The following DYNC2H1 variants were observed in gnomAD, a reference collection of about 807,000 sequenced individuals.
DYNC2H1 encodes cytoplasmic dynein 2 heavy chain 1.
DYNC2H1 carries 410 observed loss-of-function variants against 570.0 expected under a neutral mutation model. The observed-to-expected ratio is 0.72, with a 90% CI of 0.66 to 0.78. The LOEUF (loss-of-function observed/expected upper bound fraction) is 0.78. DYNC2H1 is among the 30% of genes least tolerant of loss of function. The pLI is 0.00. For synonymous variants in DYNC2H1, 1,688 were observed against 1,677.6 expected (o/e 1.01, Z -0.15); for missense variants, 4,865 against 5,046.4 (o/e 0.96, Z 1.09).
chr11:103,468,440 C>A, intron 87 of DYNC2H1, 149 bp from the exon 88 acceptor site: 1 of 567,608 alleles, frequency 1.8e-6, no homozygotes, highest in East Asian at 2.9e-5. Flanking sequence ...GCCTTACTGA[C>A]TTTATTCTCA....
chr11:103,455,174 C>A lies in DYNC2H1; in HGVS notation c.12457-12C>A. ...TGTGTGTATTTATATGTTCATATTT[C>A]CCCCCCTCTAGAACTGGGTAGATAA... On this transcript the variant is annotated splice_polypyrimidine_tract_variant and intron_variant, in intron 85 of 88. Transcript: ENST00000375735. The A allele has an allele frequency of 1.3e-6, 2 of 1,584,172 alleles. No homozygotes were observed. The highest frequency in any genetic ancestry group is 2.2e-5 in the South Asian group (2 of 89,762).
rs182522562 is a variant in DYNC2H1 at position 103,143,443 on chromosome 11, A to G, written c.2702+48A>G. 3.7e-4 allele frequency: 570 copies of G among 1,523,806 alleles called. 4 individuals carry two copies. In the East Asian group the frequency reaches 0.012, roughly 32 times the overall value. The allele number at this position is 1,523,806 out of a possible 1,614,324, so 94.4% of individuals were successfully genotyped here. On this transcript the variant is annotated intron_variant, in intron 18 of 88. Coordinates refer to ENST00000375735, the MANE Select transcript of DYNC2H1 (RefSeq NM_001377.3). ...TTACGTACCATAATAATTTTTTGAC[A>G]TGGACAGTAAGGGAGCTCTCTACTT...
At chr11:103,171,300 G>A (rs1861558875) in intron 34 of DYNC2H1, among the ~76,000 whole-genome samples, 1 of 151,996 alleles carries the variant, frequency 6.6e-6, no homozygotes, top group Middle Eastern at 3.4e-3. Flanking sequence ...TTGTTGCCCA[G>A]GCTGGAGTGC....
intron 63 of DYNC2H1, among the ~76,000 whole-genome samples, chr11:103,238,582 T>TACACACAC (rs10571344): frequency 2.0e-5 from 3 of 150,038 alleles, no homozygotes; most frequent in Non-Finnish European, 4.5e-5. Flanking sequence ...CACACACACA[T>TACACACAC]ACACACACAC....
intron 88 of DYNC2H1, among the ~76,000 whole-genome samples, chr11:103,476,567 T>C (rs2135871406): frequency 6.6e-6 from 1 of 152,262 alleles, no homozygotes; most frequent in Admixed American, 6.5e-5. Context: ...TTAGAAAAAT[T>C]TAGGACAGAT....
chr11:103,278,331 G>C (rs59689789), intron 70 of DYNC2H1, among the ~76,000 whole-genome samples: 1 of 151,896 alleles, frequency 6.6e-6, no homozygotes, highest in Non-Finnish European at 1.5e-5. Flanking sequence ...AATGTTTATT[G>C]GGCTTTTAGA....
rs1232553987 is a variant in DYNC2H1, at chr11:103,186,417, G to A, written c.6809G>A (p.Arg2270Gln). 14 of 1,612,654 alleles carry A rather than the reference G, an allele frequency of 8.7e-6. No homozygotes were observed. Among genetic ancestry groups the A allele is most frequent in the Admixed American group, 1.7e-5 (1 of 59,840 alleles). The part of the protein sequence containing the change: ...LPVIQTPDMQ[R>Q]GLDYFKPWLS... ...GTCATTCAGACTCCTGACATGCAACGAGGTCTAGATTATTTCAAACCATGG... is the reference window on the plus strand; with the variant it reads ...GTCATTCAGACTCCTGACATGCAACAAGGTCTAGATTATTTCAAACCATGG... Residue 2270 changes from arginine to glutamine, a missense_variant, in exon 42 of 89, where the codon CGA (arginine) becomes CAA (glutamine). Coordinates refer to ENST00000375735, the MANE Select transcript of DYNC2H1 (RefSeq NM_001377.3). The surrounding 1 kb of genome is among the most constrained non-coding windows in gnomAD (Gnocchi z 4.5).
intron 85 of DYNC2H1, among the ~76,000 whole-genome samples, chr11:103,447,549 C>T (rs1015924769): frequency 6.6e-6 from 1 of 152,122 alleles, no homozygotes; most frequent in African/African-American, 2.4e-5. Context: ...AATTTACAGA[C>T]TTGGAAGAAG....
intron 84 of DYNC2H1, among the ~76,000 whole-genome samples, chr11:103,411,680 TCATA>T (rs921695790): frequency 1.8e-4 from 27 of 152,048 alleles, no homozygotes; most frequent in African/African-American, 6.5e-4. Context: ...TAGAAAGGGG[TCATA>T]CATTTTTAAT....
Position 103,252,387 on chromosome 11 carries a change from G to A in DYNC2H1, c.10043-898G>A, listed in dbSNP as rs750152234. Among the ~76,000 whole-genome samples, 14 of 151,996 alleles carry A rather than the reference G, an allele frequency of 9.2e-5. No homozygotes were observed. Among genetic ancestry groups the A allele is most frequent in the Non-Finnish European group, 1.6e-4 (11 of 67,996 alleles). On this transcript the variant is annotated intron_variant, in intron 65 of 88. Transcript: ENST00000375735. The surrounding 1 kb of genome is among the most constrained non-coding windows in gnomAD (Gnocchi z 4.6). ...CATATACCCAGAAAAAAGATTGCTG[G>A]GTCATATGGTAGTTCTGTTTTTAAT...
intron 77 of DYNC2H1, 43 bp from the exon 78 acceptor site, chr11:103,307,678 A>G (rs766472153): frequency 3.8e-6 from 4 of 1,057,912 alleles, no homozygotes; most frequent in Non-Finnish European, 5.5e-6. Context: ...AGAAACTTTC[A>G]TATATATTTA....
chr11:103,270,493 C>T (rs1318499405), intron 70 of DYNC2H1, among the ~76,000 whole-genome samples: 1 of 151,160 alleles, frequency 6.6e-6, no homozygotes, highest in Non-Finnish European at 1.5e-5. Context: ...ACAATTGTAA[C>T]AATAGTGAAA....
At chr11:103,399,198 A>C (rs1243129127) in intron 83 of DYNC2H1, among the ~76,000 whole-genome samples, 1 of 136,166 alleles carries the variant, frequency 7.3e-6, no homozygotes, top group Non-Finnish European at 1.5e-5. Flanking sequence ...GCTGGAGGGC[A>C]GTGGCACAAT....
chr11:103,460,801 A>T (rs1435215876), intron 87 of DYNC2H1, among the ~76,000 whole-genome samples: 1 of 151,822 alleles, frequency 6.6e-6, no homozygotes, highest in Non-Finnish European at 1.5e-5. Context: ...AAAACCAAGT[A>T]TGTTTTCATA....
At chr11:103,468,774 A>AT in intron 88 of DYNC2H1, 69 bp downstream of exon 88, 1 of 1,262,044 alleles carries the variant, frequency 7.9e-7, no homozygotes, top group Non-Finnish European at 1.1e-6. Context: ...CTTTTCAAGA[A>AT]GACATTCTTG....
intron 82 of DYNC2H1, among the ~76,000 whole-genome samples, chr11:103,349,325 GAGGTCT>G (rs1939923161): frequency 2.6e-5 from 4 of 152,130 alleles, no homozygotes; most frequent in Admixed American, 1.3e-4. Context: ...TAGGAAAGAT[GAGGTCT>G]TACATGTATT....
In DYNC2H1 at chr11:103,399,668, A is replaced by G. The variant is rs750126247; in HGVS notation, c.12162A>G (p.Ser4054=). ...TTATGACATTTTTCTTTTAGAATTC[A>G]AACCTAATACATCAGAAAGTGCCTC... ...LNLWKKLNQN[S]NLIHQKVPPP... is the part of the protein sequence containing the mutation. The change falls in exon 84 of 89, where the codon TCA becomes TCG. Residue 4054 remains serine (S), a synonymous_variant. Coordinates refer to ENST00000375735, the MANE Select transcript of DYNC2H1 (RefSeq NM_001377.3). The G allele has an allele frequency of 1.2e-6, 2 of 1,607,900 alleles. No homozygotes were observed. Among genetic ancestry groups the G allele is most frequent in the South Asian group, 2.2e-5 (2 of 90,194 alleles).
At position 103,289,880 on chromosome 11, in the gene DYNC2H1, A is replaced by T. The variant is rs142775821; in HGVS notation, c.11095+2275A>T. On this transcript the variant is annotated intron_variant, in intron 75 of 88. Transcript: ENST00000375735. This position sits in a 1 kb window ranked among gnomAD's most constrained non-coding sequence, Gnocchi z 4.2. ...ACTGAGTGTTCCTCAATCCAATATG[A>T]TTGGTGTCCTTACAAGAAGACATCC... is the stretch of plus-strand genomic sequence containing the variant. Among the ~76,000 whole-genome samples the T allele has an allele frequency of 3.3e-5, 5 of 152,294 alleles. No homozygotes were observed. The highest frequency in any genetic ancestry group is 9.6e-5 in the African/African-American group (4 of 41,582).
intron 66 of DYNC2H1, 96 bp from the exon 67 acceptor site, chr11:103,255,319 G>C: frequency 7.6e-7 from 1 of 1,309,206 alleles, no homozygotes; most frequent in East Asian, 2.7e-5. Flanking sequence ...TATCATATTT[G>C]TAATAGTCTG....
Sources: allele counts gnomAD v4.1 joint callset (sites outside exome capture counted in the v4.1 genomes callset), GRCh38; gene constraint gnomAD v4.1.1; non-coding constraint Gnocchi (gnomAD v3.1); transcripts MANE v1.5; gene names NCBI Gene and HGNC (gene_info 2026-07-23, HGNC 2026-07-21).